SYNE2: variants seen among roughly 807,000 people sequenced by gnomAD.
SYNE2 encodes nesprin-2.
SYNE2 carries 431 observed loss-of-function variants against 856.3 expected under a neutral mutation model. That is an observed-to-expected ratio of 0.50 (90% CI 0.47 to 0.55). The LOEUF (loss-of-function observed/expected upper bound fraction) is 0.55. Among genes scored for constraint, SYNE2 ranks in the 20% least tolerant of loss-of-function variants. The pLI is 0.00. For missense variants in SYNE2, 8,129 were observed against 8,023.2 expected, an observed-to-expected ratio of 1.01 and a Z score of -0.50; for synonymous variants, 2,923 against 2,872.3, an observed-to-expected ratio of 1.02 and a Z score of -0.56.
At chr14:63,877,303 A>C (rs1016657272) in intron 1 of SYNE2, among the ~76,000 whole-genome samples, 4 of 152,196 alleles carry the variant, frequency 2.6e-5, no homozygotes, top group African/African-American at 9.6e-5. Context: ...AACTTTGGTC[A>C]AAATAGGAAC....
chr14:63,994,291 A>T (rs2096694486), intron 22 of SYNE2, among the ~76,000 whole-genome samples: 1 of 152,218 alleles, frequency 6.6e-6, no homozygotes, highest in African/African-American at 2.4e-5. Flanking sequence ...CACTGAGATT[A>T]TGTTCTGGTA....
chr14:63,958,374 C>G (rs1324185603), intron 8 of SYNE2, among the ~76,000 whole-genome samples: 2 of 152,174 alleles, frequency 1.3e-5, no homozygotes, highest in African/African-American at 4.8e-5. Flanking sequence ...AATAAATGAC[C>G]TTGACAGTTT....
At chr14:63,833,316 T>G (rs1332690663) in intron 1 of SYNE2, among the ~76,000 whole-genome samples, 1 of 152,234 alleles carries the variant, frequency 6.6e-6, no homozygotes, top group Non-Finnish European at 1.5e-5. Context: ...ATACATGTTC[T>G]GCCATACCAA....
rs368453386 is a variant in SYNE2, at chr14:64,128,584, T to G, written c.14019+31T>G. The G allele has an allele frequency of 2.4e-5, 34 of 1,389,518 alleles. No homozygotes were observed. The South Asian group carries it at 2.9e-4, about 12-fold the overall frequency. The allele number at this position is 1,389,518 out of a possible 1,614,324, so 86.1% of individuals were successfully genotyped here. A position where few individuals can be genotyped will look rare whatever the true frequency, so the allele number is the denominator to read the frequency against. ...CAAGTCAAAATAATTCAGACTGACTTAACTTTGAACCACAGAGCTTTGCAT... is the reference window on the plus strand; with the variant it reads ...CAAGTCAAAATAATTCAGACTGACTGAACTTTGAACCACAGAGCTTTGCAT... On this transcript the variant is annotated intron_variant, in intron 74 of 115. Coordinates refer to ENST00000555002, the MANE Select transcript of SYNE2 (RefSeq NM_182914.3).
intron 67 of SYNE2, 113 bp downstream of exon 67, chr14:64,119,722 G>C (rs2097883706): frequency 7.3e-6 from 8 of 1,092,770 alleles, no homozygotes; most frequent in Non-Finnish European, 1.1e-5. Context: ...TGTACTAAGT[G>C]TGAAAGAATT....
At position 64,024,363 on chromosome 14, in the gene SYNE2, G is replaced by T; in HGVS notation, c.5744G>T (p.Ser1915Ile). Reference sequence around the variant, plus strand: ...AAAGCACATGTGAAGGAGCTTATCAGTTGGCTCGTGGGTCAGGAATTCGAA... The same window carrying T: ...AAAGCACATGTGAAGGAGCTTATCATTTGGCTCGTGGGTCAGGAATTCGAA... Reference protein sequence around the residue: ...LPKAHVKELISWLVGQEFELE... With the variant: ...LPKAHVKELIIWLVGQEFELE... Residue 1915 changes from serine to isoleucine, a missense_variant, in exon 39 of 116, where the codon AGT becomes ATT. Physicochemically the swap from Ser to Ile is moderately radical, Grantham distance 142. Coordinates refer to ENST00000555002, the MANE Select transcript of SYNE2 (RefSeq NM_182914.3). The T allele has an allele frequency of 6.2e-7, 1 of 1,614,194 alleles. No homozygotes were observed. The highest frequency in any genetic ancestry group is 8.5e-7 in the Non-Finnish European group (1 of 1,180,018).
chr14:64,159,212 A>T, intron 86 of SYNE2, 100 bp from the exon 87 acceptor site: 1 of 1,446,952 alleles, frequency 6.9e-7, no homozygotes, highest in Non-Finnish European at 9.7e-7. Flanking sequence ...GTAAGATTTG[A>T]GTGTTATTGC....
chr14:64,111,132 G>A (rs541933390), intron 65 of SYNE2, among the ~76,000 whole-genome samples: 14 of 148,810 alleles, frequency 9.4e-5, no homozygotes, highest in Non-Finnish European at 1.9e-4. Flanking sequence ...TTGAGAGGCC[G>A]AGGCAGGAGG....
intron 1 of SYNE2, among the ~76,000 whole-genome samples, chr14:63,864,817 C>T (rs1894781069): frequency 6.6e-6 from 1 of 152,110 alleles, no homozygotes; most frequent in Non-Finnish European, 1.5e-5. Flanking sequence ...TGGACTAGAG[C>T]AGAACCAAAA....
chr14:63,955,543 AAC>A (rs1269000024), intron 8 of SYNE2, among the ~76,000 whole-genome samples: 1 of 152,218 alleles, frequency 6.6e-6, no homozygotes, highest in East Asian at 1.9e-4. Context: ...CTATTAAAAA[AAC>A]ATTAAGGTCA....
At position 64,170,472 on chromosome 14, in the gene SYNE2, G is replaced by A. The variant is rs1370825099; in HGVS notation, c.17235+10G>A. The stretch of plus-strand genomic sequence containing the variant: ...GATCCATGAGCTGAAGGTAGTGTAT[G>A]CATCGTAGCAGTGTGAGAACCACAG... On this transcript the variant is annotated intron_variant, in intron 94 of 115. Transcript: ENST00000555002. 3.1e-6 allele frequency: 5 copies of A among 1,600,192 alleles called. No homozygotes were observed. The highest frequency in any genetic ancestry group is 4.3e-6 in the Non-Finnish European group (5 of 1,172,466).
chr14:64,224,637 A>G, intron 114 of SYNE2, 90 bp downstream of exon 114: 1 of 1,438,462 alleles, frequency 7.0e-7, no homozygotes, highest in South Asian at 1.2e-5. Flanking sequence ...AGAGCCCATT[A>G]GCCATTTCAG....
At chr14:63,784,234 T>A (rs528049095) in intron 1 of SYNE2, among the ~76,000 whole-genome samples, 29 of 152,038 alleles carry the variant, frequency 1.9e-4, no homozygotes, top group Non-Finnish European at 3.1e-4. Context: ...GGCTCATGCC[T>A]GTAATCCCAG....
chr14:64,135,200 A>T (rs555521264), intron 78 of SYNE2, among the ~76,000 whole-genome samples: 1 of 152,318 alleles, frequency 6.6e-6, no homozygotes, highest in East Asian at 1.9e-4. Context: ...TAACTTTAGG[A>T]TATATGCCGT....
intron 2 of SYNE2, among the ~76,000 whole-genome samples, chr14:63,934,024 A>G (rs779585647): frequency 7.2e-5 from 11 of 152,208 alleles, no homozygotes; most frequent in Non-Finnish European, 1.0e-4. Flanking sequence ...ATATGAAACC[A>G]TTTAATTGAG....
rs374459819 is a variant in SYNE2 at position 64,209,440 on chromosome 14, G to C, written c.18402G>C (p.Thr6134=). 6.2e-7 allele frequency: 1 copy of C among 1,614,232 alleles called. No individual in the cohort carries two copies. Among genetic ancestry groups the C allele is most frequent in the Non-Finnish European group, 8.5e-7 (1 of 1,180,036 alleles). Residue 6134 remains threonine (T), a synonymous_variant, in exon 102 of 116, where the codon ACG becomes ACC. Coordinates refer to ENST00000555002, the MANE Select transcript of SYNE2 (RefSeq NM_182914.3). The part of the protein sequence containing the change: ...SMERRMKIEE[T]WRLWQKFLDD... ...TTGCTCCCATCAGAATCGAGGAGAC[G>C]TGGCGCCTGTGGCAGAAGTTTTTAG...
intron 8 of SYNE2, chr14:63,960,670 G>A (rs1329450454): frequency 3.0e-6 from 2 of 676,896 alleles, no homozygotes; most frequent in East Asian, 5.2e-5. Flanking sequence ...CAAATTAGGT[G>A]TTCATTTTGT....
chr14:64,142,191 T>C, intron 82 of SYNE2, 103 bp downstream of exon 82: 1 of 1,368,794 alleles, frequency 7.3e-7, no homozygotes, highest in Non-Finnish European at 1.0e-6. Flanking sequence ...TTCAAAAAAC[T>C]AATTCTAGGG....
At chr14:63,966,834 A>G (rs550116647) in intron 10 of SYNE2, among the ~76,000 whole-genome samples, 52 of 152,104 alleles carry the variant, frequency 3.4e-4, no homozygotes, top group Non-Finnish European at 6.3e-4. Flanking sequence ...TGCTAGGATT[A>G]CAGTCATGAG....
Sources: gnomAD v4.1 joint callset for allele counts (sites outside exome capture counted in the v4.1 genomes callset) on GRCh38, gnomAD v4.1.1 for gene constraint, MANE v1.5 for transcripts, NCBI Gene and HGNC (gene_info 2026-07-23, HGNC 2026-07-21) for gene names.